Variants in SDK1 observed in about 807,000 individuals in gnomAD.
The protein encoded by SDK1 is sidekick cell adhesion molecule 1.
SDK1 carries 157 observed loss-of-function variants against 245.5 expected under a neutral mutation model. That is an observed-to-expected ratio of 0.64 (90% confidence interval 0.56 to 0.73). The LOEUF (loss-of-function observed/expected upper bound fraction) is 0.73, where lower values mean the gene tolerates loss of function less well. SDK1 is among the 30% of genes least tolerant of loss of function. The probability of loss-of-function intolerance (pLI) is 0.00; values close to 1 mark genes in which losing one functional copy is unlikely to be tolerated. For synonymous variants in SDK1, 1,647 were observed against 1,278.5 expected (o/e 1.29, Z -6.15); for missense variants, 3,583 against 3,002.3 (o/e 1.19, Z -4.52).
intron 1 of SDK1, among the ~76,000 whole-genome samples, chr7:3,346,825 ATATTTTTT>A (rs1278890156): frequency 7.2e-5 from 2 of 27,606 alleles, no homozygotes; most frequent in Non-Finnish European, 1.3e-4. Flanking sequence ...ATATATATAT[ATATTTTTT>A]TTTTTTTTTT....
chr7:3,718,217 C>T (rs1335046091), intron 4 of SDK1, among the ~76,000 whole-genome samples: 1 of 152,112 alleles, frequency 6.6e-6, no homozygotes, highest in Non-Finnish European at 1.5e-5. Context: ...ATCCAACACT[C>T]AGCTGGTTGC....
intron 4 of SDK1, among the ~76,000 whole-genome samples, chr7:3,714,990 AACTC>A (rs1054502417): frequency 2.0e-5 from 3 of 152,306 alleles, no homozygotes; most frequent in Middle Eastern, 3.4e-3. Context: ...GTAGCATTAA[AACTC>A]AATTAAGTAA....
At chr7:3,397,622 G>A (rs1400927833) in intron 1 of SDK1, among the ~76,000 whole-genome samples, 1 of 151,766 alleles carries the variant, frequency 6.6e-6, no homozygotes. Context: ...TTCTGTCTTT[G>A]AACATTTTGT....
intron 1 of SDK1, among the ~76,000 whole-genome samples, chr7:3,422,438 T>C (rs1419410248): frequency 2.6e-5 from 4 of 152,190 alleles, no homozygotes; most frequent in African/African-American, 9.6e-5. Context: ...AGTGGATTCA[T>C]TGACATGAAA....
chr7:3,636,586 C>T (rs370202260), intron 2 of SDK1, among the ~76,000 whole-genome samples: 1 of 152,194 alleles, frequency 6.6e-6, no homozygotes, highest in African/African-American at 2.4e-5. Flanking sequence ...TATACACCAC[C>T]TTTTCTTTCG....
chr7:3,425,013 ATTAT>A (rs765191975), intron 1 of SDK1, among the ~76,000 whole-genome samples: 1 of 152,190 alleles, frequency 6.6e-6, no homozygotes, highest in African/African-American at 2.4e-5. Context: ...AGCCAAATAA[ATTAT>A]TTATTAATCA....
At chr7:3,690,323 G>T (rs923755309) in intron 4 of SDK1, among the ~76,000 whole-genome samples, 1 of 151,948 alleles carries the variant, frequency 6.6e-6, no homozygotes, top group Non-Finnish European at 1.5e-5. Flanking sequence ...TTTTTTTACT[G>T]TAACTAGAAA....
chr7:3,811,310 C>T lies in SDK1; in HGVS notation c.714-10140C>T, dbSNP rs184981861. On this transcript the variant is annotated intron_variant, in intron 4 of 44. Transcript: ENST00000404826. ...CCCACCCAGGTCACAGTTGCCTGAT[C>T]GCGTTAAGGGCCTCTCTATATTAAG... Among the ~76,000 whole-genome samples the T allele has an allele frequency of 1.1e-3, 174 of 152,258 alleles. 5 individuals carry two copies. The highest frequency in any genetic ancestry group is 0.011 in the East Asian group (56 of 5,178).
chr7:3,574,581 A>G (rs1343862728), intron 1 of SDK1, among the ~76,000 whole-genome samples: 2 of 152,220 alleles, frequency 1.3e-5, no homozygotes, highest in East Asian at 1.9e-4. Context: ...GGCTCTGGTC[A>G]GTGCTGGGTG....
At chr7:3,735,174 G>A (rs1290871452) in intron 4 of SDK1, among the ~76,000 whole-genome samples, 1 of 152,104 alleles carries the variant, frequency 6.6e-6, no homozygotes, top group Non-Finnish European at 1.5e-5. Context: ...AATTGTGGTA[G>A]AATGTTCATA....
At chr7:3,526,588 C>T (rs1017794773) in intron 1 of SDK1, among the ~76,000 whole-genome samples, 3 of 152,010 alleles carry the variant, frequency 2.0e-5, no homozygotes, top group African/African-American at 7.3e-5. Context: ...GTTTTTTCTC[C>T]ATCACTTTGC....
chr7:3,643,243 A>T (rs1220756177), intron 4 of SDK1: 1 of 150,884 alleles, frequency 6.6e-6, no homozygotes, highest in Non-Finnish European at 1.5e-5. Context: ...TCCCTTCCCT[A>T]AACCTCATGA....
At chr7:3,909,965 C>T (rs1233504249) in intron 5 of SDK1, among the ~76,000 whole-genome samples, 1 of 152,032 alleles carries the variant, frequency 6.6e-6, no homozygotes, top group Non-Finnish European at 1.5e-5. Flanking sequence ...AAGTAGAGGC[C>T]AAGGGCAAGG....
At chr7:3,516,220 G>T (rs1782745774) in intron 1 of SDK1, among the ~76,000 whole-genome samples, 1 of 150,192 alleles carries the variant, frequency 6.7e-6, no homozygotes, top group Non-Finnish European at 1.5e-5. Context: ...AACATATAGA[G>T]GTTATATATT....
At chr7:3,928,374 G>C (rs542540390) in intron 5 of SDK1, among the ~76,000 whole-genome samples, 5 of 152,104 alleles carry the variant, frequency 3.3e-5, no homozygotes, top group Non-Finnish European at 7.3e-5. Flanking sequence ...CTACAACTTA[G>C]AAACCTTTCA....
At chr7:3,755,864 G>A (rs1335066457) in intron 4 of SDK1, among the ~76,000 whole-genome samples, 1 of 152,114 alleles carries the variant, frequency 6.6e-6, no homozygotes, top group East Asian at 1.9e-4. Flanking sequence ...ACATGGCATA[G>A]TGCGTGTGAC....
intron 23 of SDK1, 40 bp from the exon 24 acceptor site, chr7:4,113,249 T>C (rs1052514440): frequency 6.3e-7 from 1 of 1,597,052 alleles, no homozygotes; most frequent in Non-Finnish European, 8.5e-7. Flanking sequence ...CCTTCTTACC[T>C]TTGCTTTGCC....
At chr7:4,153,236 CTTT>C (rs60694957) in intron 30 of SDK1, among the ~76,000 whole-genome samples, 21 of 143,560 alleles carry the variant, frequency 1.5e-4, no homozygotes, top group African/African-American at 3.3e-4. Flanking sequence ...TGACTGATTT[CTTT>C]TTTTTTTTTT....
chr7:3,514,867 T>C (rs377588576), intron 1 of SDK1, among the ~76,000 whole-genome samples: 16 of 150,960 alleles, frequency 1.1e-4, no homozygotes, highest in Admixed American at 4.6e-4. Flanking sequence ...CACGCGTGCA[T>C]GCGTGCATGC....
Sources: allele counts gnomAD v4.1 joint callset (sites outside exome capture counted in the v4.1 genomes callset), GRCh38; gene constraint gnomAD v4.1.1; transcripts MANE v1.5; gene names NCBI Gene and HGNC (gene_info 2026-07-23, HGNC 2026-07-21).